The following RP1L1 variants were observed in gnomAD, a reference collection of about 807,000 sequenced individuals.
The protein encoded by RP1L1 is RP1 like 1.
RP1L1 carries 27 observed loss-of-function variants against 15.7 expected under a neutral mutation model. That is an observed-to-expected ratio of 1.72 (90% CI 1.27 to 2.38). The LOEUF is 2.38. Ranked by LOEUF, RP1L1 falls within the 30% of genes most tolerant of loss-of-function variation. The pLI is 0.00. For synonymous variants in RP1L1, 1,813 were observed against 1,276.7 expected (o/e 1.42, Z -8.96); for missense variants, 4,798 against 3,075.9 (o/e 1.56, Z -13.24).
chr8:10,627,320 C>G (rs73201168), intron 1 of RP1L1, among the ~76,000 whole-genome samples: 12,728 of 152,250 alleles, frequency 0.084, 720 homozygotes, highest in Non-Finnish European at 0.14. Context: ...GTAGGAAAAT[C>G]TGGCCCATGC....
At position 10,623,134 on chromosome 8, in the gene RP1L1, C is replaced by T. The variant is rs777820137; in HGVS notation, c.68G>A (p.Arg23His). Reference protein sequence around the residue: ...HRECFLPSVARTPSVTKVTPA... With the variant: ...HRECFLPSVAHTPSVTKVTPA... ...CGTGACCTTGGTGACCGAGGGGGTG[C>T]GAGCCACAGAGGGCAGGAAGCACTC... The change falls in exon 2 of 4, where the codon CGC becomes CAC. Residue 23 changes from arginine to histidine, a missense_variant. By Grantham distance (29) the Arg-to-His change is conservative. Transcript: ENST00000382483. 22 of 1,606,610 alleles carry T rather than the reference C, an allele frequency of 1.4e-5. No homozygotes were observed. The highest frequency in any genetic ancestry group is 1.7e-5 in the Admixed American group (1 of 59,648).
chr8:10,614,950 C>T (rs1288874871), intron 3 of RP1L1, among the ~76,000 whole-genome samples: 1 of 151,624 alleles, frequency 6.6e-6, no homozygotes, highest in Non-Finnish European at 1.5e-5. Flanking sequence ...AAAACAAATT[C>T]CATCTCCTGA....
chr8:10,634,782 C>A (rs1234941390), intron 1 of RP1L1, among the ~76,000 whole-genome samples: 1 of 152,188 alleles, frequency 6.6e-6, no homozygotes. Context: ...CCCCTGTCCA[C>A]CTTCAGGTAG....
At chr8:10,650,261 T>C (rs1015747820) in intron 1 of RP1L1, among the ~76,000 whole-genome samples, 1 of 152,122 alleles carries the variant, frequency 6.6e-6, no homozygotes. Context: ...CTGGACTTCT[T>C]ACTAGACAGG....
chr8:10,607,117 A>G lies in RP1L1; in HGVS notation c.6981T>C (p.Asp2327=). The G allele has an allele frequency of 6.2e-7, 1 of 1,614,192 alleles. No homozygotes were observed. The highest frequency in any genetic ancestry group is 1.1e-5 in the South Asian group (1 of 91,080). The change falls in exon 4 of 4, where the codon GAT becomes GAC. Residue 2327 remains aspartate, a synonymous_variant. Transcript: ENST00000382483. Reference sequence around the variant, plus strand: ...CATGAGGGGTCCCCGTGGACTTGGCATCAGGGCTCCTTGTGTCTCCAAGTA... The same window carrying G: ...CATGAGGGGTCCCCGTGGACTTGGCGTCAGGGCTCCTTGTGTCTCCAAGTA... The part of the protein sequence containing the change: ...DHVLGDTRSP[D]AKSTGTPHAE...
chr8:10,612,072 T>C lies in RP1L1; in HGVS notation c.2026A>G (p.Ser676Gly), dbSNP rs752248086. ...RHSHYRKDTH[S>G]PLDSSVTKQV... The stretch of plus-strand genomic sequence containing the variant: ...TTGGTTACAGAGGAGTCCAGTGGGC[T>C]GTGGGTGTCCTTGCGGTAGTGAGAA... Residue 676 changes from serine to glycine, a missense_variant, in exon 4 of 4, where the codon AGC (serine) becomes GGC (glycine). Physicochemically the swap from Ser to Gly is moderately conservative, Grantham distance 56 (BLOSUM62 0). Transcript: ENST00000382483. 6.2e-7 allele frequency: 1 copy of C among 1,613,738 alleles called. No homozygotes were observed. Among genetic ancestry groups the C allele is most frequent in the Admixed American group, 1.7e-5 (1 of 60,014 alleles).
chr8:10,616,445 C>A lies in RP1L1; in HGVS notation c.751+1G>T. ...TGGGGGAAACCCAAAAACCAACTCA[C>A]CGTTTTTGTTTCTTGAAGTCAGCCC... On this transcript the variant is annotated splice_donor_variant, in intron 3 of 3. Coordinates refer to ENST00000382483, the MANE Select transcript of RP1L1 (RefSeq NM_178857.6). LOFTEE classifies it high-confidence loss of function. 1 of 1,614,228 alleles carries A rather than the reference C, an allele frequency of 6.2e-7. No individual in the cohort carries two copies. The highest frequency in any genetic ancestry group is 8.5e-7 in the Non-Finnish European group (1 of 1,180,044).
At position 10,606,884 on chromosome 8, in the gene RP1L1, C is replaced by G. The variant is rs1212707559; in HGVS notation, c.*11G>C. 4.3e-6 allele frequency: 7 copies of G among 1,614,010 alleles called. No homozygotes were observed. Among genetic ancestry groups the G allele is most frequent in the Non-Finnish European group, 5.9e-6 (7 of 1,180,014 alleles). ...TCCCAAGCTCGTGATTGTTTTCTAG[C>G]TTGATCTTGTCTAGAAATCTAAGTC... On this transcript the variant is annotated 3_prime_UTR_variant, in exon 4 of 4. Coordinates refer to ENST00000382483, the MANE Select transcript of RP1L1 (RefSeq NM_178857.6).
chr8:10,628,739 C>A (rs1798195871), intron 1 of RP1L1, among the ~76,000 whole-genome samples: 1 of 152,172 alleles, frequency 6.6e-6, no homozygotes. Context: ...AAAAGAGGGA[C>A]ACATCCATGA....
At chr8:10,638,595 T>C (rs546163359) in intron 1 of RP1L1, among the ~76,000 whole-genome samples, 2 of 151,972 alleles carry the variant, frequency 1.3e-5, no homozygotes, top group East Asian at 3.9e-4. Flanking sequence ...AAATAAAATA[T>C]ATAAAAAATT....
In RP1L1 at chr8:10,612,664, G is replaced by T; in HGVS notation, c.1434C>A (p.Asp478Glu). 6.2e-7 allele frequency: 1 copy of T among 1,600,864 alleles called. No homozygotes were observed. The change falls in exon 4 of 4, where the codon GAC becomes GAA. Residue 478 changes from aspartate to glutamate, a missense_variant. By Grantham distance (45) the Asp-to-Glu change is conservative. Coordinates refer to ENST00000382483, the MANE Select transcript of RP1L1 (RefSeq NM_178857.6). Reference sequence around the variant, plus strand: ...CAGAGGGGCTGGCACTGTCCACCCCGTCCTCCGGGGTCCTGGGGCAGCAGG... The same window carrying T: ...CAGAGGGGCTGGCACTGTCCACCCCTTCCTCCGGGGTCCTGGGGCAGCAGG... ...ESSCCPRTPE[D>E]GVDSASPSAQ...
At chr8:10,640,726 T>C (rs1342667018) in intron 1 of RP1L1, among the ~76,000 whole-genome samples, 2 of 151,950 alleles carry the variant, frequency 1.3e-5, no homozygotes, top group African/African-American at 2.4e-5. Flanking sequence ...AGGAAAGAGA[T>C]TGTATTGTAA....
At chr8:10,623,521 A>T (rs1289283763) in intron 1 of RP1L1, among the ~76,000 whole-genome samples, 3 of 147,298 alleles carry the variant, frequency 2.0e-5, no homozygotes, top group African/African-American at 5.0e-5. Context: ...AACCACCATG[A>T]AACCAGGACC....
intron 1 of RP1L1, among the ~76,000 whole-genome samples, chr8:10,646,994 C>T (rs1313229959): frequency 6.6e-6 from 1 of 152,232 alleles, no homozygotes; most frequent in African/African-American, 2.4e-5. Flanking sequence ...CGAGGCGGAA[C>T]CCCTGGCAAG....
chr8:10,650,351 A>G (rs1054424019), intron 1 of RP1L1, among the ~76,000 whole-genome samples: 3 of 152,202 alleles, frequency 2.0e-5, no homozygotes, highest in African/African-American at 4.8e-5. Flanking sequence ...AGCTGCTAAT[A>G]GTCTCCCAAA....
rs564047241 is a variant in RP1L1 at position 10,651,852 on chromosome 8, G to T, written c.-20+3046C>A. 2.6e-5 allele frequency among the ~76,000 whole-genome samples: 4 copies of T among 151,970 alleles called. No homozygotes were observed. In the South Asian group the frequency reaches 6.2e-4, roughly 24 times the overall value. On this transcript the variant is annotated intron_variant, in intron 1 of 3. Coordinates refer to ENST00000382483, the MANE Select transcript of RP1L1 (RefSeq NM_178857.6). ...GTACACAGTCACGCAGCACACAATG[G>T]CATTTCTGTCAATGACAGACCTCAT...
At chr8:10,616,066 G>C (rs1044012760) in intron 3 of RP1L1, among the ~76,000 whole-genome samples, 4 of 151,978 alleles carry the variant, frequency 2.6e-5, no homozygotes, top group African/African-American at 9.7e-5. Flanking sequence ...CATTATGCCT[G>C]GCATATTTTT....
chr8:10,631,228 CACACACGT>C (rs1798237219), intron 1 of RP1L1, among the ~76,000 whole-genome samples: 1 of 151,718 alleles, frequency 6.6e-6, no homozygotes, highest in African/African-American at 2.4e-5. Flanking sequence ...CACACAAACG[CACACACGT>C]ACACACATGC....
In RP1L1 at chr8:10,608,751, C is replaced by T. The variant is rs755891876; in HGVS notation, c.5347G>A (p.Ala1783Thr). 6.3e-5 allele frequency: 102 copies of T among 1,614,148 alleles called. No homozygotes were observed. Among genetic ancestry groups the T allele is most frequent in the Non-Finnish European group, 8.3e-5 (98 of 1,180,064 alleles). ...TCAGCTTCCCCCAACTCACTGCCCGCACTGGTTTCACTGTTGTGGGTTTTC... is the reference window on the plus strand; with the variant it reads ...TCAGCTTCCCCCAACTCACTGCCCGTACTGGTTTCACTGTTGTGGGTTTTC... The part of the protein sequence containing the change: ...EGKTHNSETS[A>T]GSELGEAEQE... The change falls in exon 4 of 4, where the codon GCG (alanine) becomes ACG (threonine). Residue 1783 changes from alanine (A) to threonine (T), a missense_variant. Coordinates refer to ENST00000382483, the MANE Select transcript of RP1L1 (RefSeq NM_178857.6).
Sources: gnomAD v4.1 joint callset for allele counts (sites outside exome capture counted in the v4.1 genomes callset) on GRCh38, gnomAD v4.1.1 for gene constraint, MANE v1.5 for transcripts, NCBI Gene and HGNC (gene_info 2026-07-23, HGNC 2026-07-21) for gene names.